PPIL6: variants seen among roughly 807,000 people sequenced by gnomAD.
PPIL6 encodes probable inactive peptidyl-prolyl cis-trans isomerase-like 6.
In PPIL6, 39 loss-of-function variants were observed where a neutral mutation model predicts 36.8. The ratio of observed to expected loss-of-function variants is 1.06; its 90% CI spans 0.82 to 1.38. The LOEUF (loss-of-function observed/expected upper bound fraction) is 1.38, where lower values mean the gene tolerates loss of function less well. Ranked by LOEUF, PPIL6 falls within the 40% of genes most tolerant of loss-of-function variation. The pLI is 0.00. For synonymous variants in PPIL6, 123 were observed against 134.1 expected, an observed-to-expected ratio of 0.92 and a Z score of 0.57; for missense variants, 368 against 379.1, an observed-to-expected ratio of 0.97 and a Z score of 0.24.
At chr6:109,423,725 A>G (rs1562268099) in intron 5 of PPIL6, among the ~76,000 whole-genome samples, 1 of 151,852 alleles carries the variant, frequency 6.6e-6, no homozygotes, top group African/African-American at 2.4e-5. Context: ...GTTGGTATCA[A>G]TTTTTTTTAA....
chr6:109,401,412 A>G (rs1399008100), intron 6 of PPIL6, among the ~76,000 whole-genome samples: 1 of 152,230 alleles, frequency 6.6e-6, no homozygotes, highest in Non-Finnish European at 1.5e-5. Flanking sequence ...AATTTCTGAG[A>G]ATAACTGAGA....
intron 6 of PPIL6, among the ~76,000 whole-genome samples, chr6:109,409,072 AAATC>A (rs1772908619): frequency 6.6e-6 from 1 of 152,250 alleles, no homozygotes; most frequent in African/African-American, 2.4e-5. Flanking sequence ...CAATGTATGC[AAATC>A]AATCAATGTG....
chr6:109,394,156 A>G (rs779920106), intron 7 of PPIL6, among the ~76,000 whole-genome samples: 48 of 152,116 alleles, frequency 3.2e-4, no homozygotes, highest in Non-Finnish European at 5.9e-4. Context: ...GGATTGCCTG[A>G]GCACAGCAGT....
intron 1 of PPIL6, among the ~76,000 whole-genome samples, chr6:109,438,883 G>A (rs1003217914): frequency 4.6e-5 from 7 of 152,252 alleles, no homozygotes; most frequent in Admixed American, 1.3e-4. Flanking sequence ...CACCGCGCTC[G>A]GCCTGTAAAC....
At chr6:109,403,188 A>T in intron 6 of PPIL6, 1 of 1,011,488 alleles carries the variant, frequency 9.9e-7, no homozygotes, top group East Asian at 2.7e-5. Flanking sequence ...TGTTCAGACT[A>T]GTCTTGAACT....
intron 1 of PPIL6, among the ~76,000 whole-genome samples, chr6:109,438,518 T>C (rs924500902): frequency 6.6e-6 from 1 of 152,134 alleles, no homozygotes; most frequent in Non-Finnish European, 1.5e-5. Flanking sequence ...ACAATAAAGA[T>C]ATTGTTTTCT....
At position 109,403,198 on chromosome 6, in the gene PPIL6, T is replaced by C. The variant is rs1582534286; in HGVS notation, c.689-3028A>G. 5 of 899,878 alleles carry C rather than the reference T, an allele frequency of 5.6e-6. No homozygotes were observed. In the East Asian group the frequency reaches 1.4e-4, roughly 25 times the overall value. 55.7% of individuals were successfully genotyped at this position (899,878 alleles called of 1,614,324 possible). On this transcript the variant is annotated intron_variant, in intron 6 of 7. Coordinates refer to ENST00000521072, the MANE Select transcript of PPIL6 (RefSeq NM_173672.5). ...CTAGTTGTTCAGACTAGTCTTGAACTCCTGGGCTCAAGGCCTCCTGCCTCA... is the reference window on the plus strand; with the variant it reads ...CTAGTTGTTCAGACTAGTCTTGAACCCCTGGGCTCAAGGCCTCCTGCCTCA...
In PPIL6 at chr6:109,392,715, T is replaced by G; in HGVS notation, c.*111A>C. On this transcript the variant is annotated 3_prime_UTR_variant, in exon 8 of 8. Transcript: ENST00000521072. ...TGGGTGTAGATGAGGCAACCTACAG[T>G]GTCTGCCACGGCTTTCAAATTACAA... 1.5e-6 allele frequency: 1 copy of G among 676,584 alleles called. No individual in the cohort carries two copies. The highest frequency in any genetic ancestry group is 2.5e-6 in the Non-Finnish European group (1 of 396,398). 41.9% of individuals were successfully genotyped at this position (676,584 alleles called of 1,614,324 possible). A position where few individuals can be genotyped will look rare whatever the true frequency, so the allele number is the denominator to read the frequency against.
intron 1 of PPIL6, among the ~76,000 whole-genome samples, chr6:109,438,944 G>GC (rs570098620): frequency 1.1e-3 from 161 of 152,278 alleles, no homozygotes; most frequent in African/African-American, 3.8e-3. Flanking sequence ...AAAATTATAC[G>GC]CAAGTCAAAT....
At chr6:109,417,010 T>C (rs1016882179) in intron 6 of PPIL6, among the ~76,000 whole-genome samples, 12 of 150,228 alleles carry the variant, frequency 8.0e-5, no homozygotes, top group Non-Finnish European at 1.2e-4. Flanking sequence ...TCTACAAATC[T>C]TTTTTTTAAA....
chr6:109,398,869 G>C (rs1772406868), intron 7 of PPIL6, among the ~76,000 whole-genome samples: 1 of 152,184 alleles, frequency 6.6e-6, no homozygotes, highest in African/African-American at 2.4e-5. Flanking sequence ...AGATTTGATA[G>C]ATGGATAGAT....
At chr6:109,427,380 ATTTAT>A (rs1010402963) in intron 3 of PPIL6, among the ~76,000 whole-genome samples, 30 of 151,860 alleles carry the variant, frequency 2.0e-4, no homozygotes, top group African/African-American at 6.5e-4. Flanking sequence ...TTATTATTGT[ATTTAT>A]TTATTTATTT....
intron 3 of PPIL6, among the ~76,000 whole-genome samples, chr6:109,430,932 T>C (rs1774106944): frequency 1.3e-5 from 2 of 152,186 alleles, no homozygotes; most frequent in African/African-American, 4.8e-5. Context: ...GAAGTAAAAA[T>C]GTCTGCACAG....
At chr6:109,430,981 A>AC (rs1562272464) in intron 3 of PPIL6, among the ~76,000 whole-genome samples, 176 bp downstream of exon 3, 2 of 152,230 alleles carry the variant, frequency 1.3e-5, no homozygotes, top group African/African-American at 4.8e-5. Flanking sequence ...TGTGAGACAC[A>AC]CTTGCTTTAC....
chr6:109,430,378 C>G (rs752236385), intron 3 of PPIL6, among the ~76,000 whole-genome samples: 13 of 152,182 alleles, frequency 8.5e-5, no homozygotes, highest in Non-Finnish European at 1.6e-4. Context: ...CCACTGGAAA[C>G]CTCCCCACTG....
At chr6:109,395,631 A>C (rs1380863771) in intron 7 of PPIL6, among the ~76,000 whole-genome samples, 6 of 139,170 alleles carry the variant, frequency 4.3e-5, no homozygotes, top group African/African-American at 1.3e-4. Flanking sequence ...TTTTTGAGAC[A>C]GTCTTACTCT....
At chr6:109,410,757 G>A (rs1265538301) in intron 6 of PPIL6, among the ~76,000 whole-genome samples, 1 of 152,138 alleles carries the variant, frequency 6.6e-6, no homozygotes, top group African/African-American at 2.4e-5. Context: ...CCACAGCAAG[G>A]TAAATGGGAT....
intron 6 of PPIL6, among the ~76,000 whole-genome samples, chr6:109,415,278 C>T (rs896272149): frequency 5.9e-5 from 9 of 152,152 alleles, no homozygotes; most frequent in Non-Finnish European, 8.8e-5. Flanking sequence ...TTTCATTGCT[C>T]TTATCATAAA....
chr6:109,437,191 G>A (rs1774493308), intron 1 of PPIL6, among the ~76,000 whole-genome samples: 1 of 152,218 alleles, frequency 6.6e-6, no homozygotes, highest in African/African-American at 2.4e-5. Flanking sequence ...TCTAAAGCAA[G>A]AGAACACAGG....
Sources: allele counts gnomAD v4.1 joint callset (sites outside exome capture counted in the v4.1 genomes callset), GRCh38; gene constraint gnomAD v4.1.1; transcripts MANE v1.5; gene names NCBI Gene and HGNC (gene_info 2026-07-23, HGNC 2026-07-21).